The following FRMD3 variants were observed in gnomAD, a reference collection of about 807,000 sequenced individuals.
FRMD3 encodes FERM domain containing 3, also known as FERM domain-containing protein 3.
A neutral mutation model predicts 70.2 loss-of-function variants in FRMD3; 33 were observed. The ratio of observed to expected loss-of-function variants is 0.47; its 90% confidence interval spans 0.36 to 0.63. FRMD3 has a LOEUF of 0.63. Among genes scored for constraint, FRMD3 ranks in the 20% least tolerant of loss-of-function variants. FRMD3 has a pLI of 0.00. For missense variants in FRMD3, 632 were observed against 711.4 expected, an observed-to-expected ratio of 0.89 and a Z score of 1.27; for synonymous variants, 279 against 255.9, an observed-to-expected ratio of 1.09 and a Z score of -0.86.
chr9:83,327,552 AG>A (rs1836069724), intron 6 of FRMD3, among the ~76,000 whole-genome samples: 1 of 152,178 alleles, frequency 6.6e-6, no homozygotes, highest in Non-Finnish European at 1.5e-5. Flanking sequence ...TTCCCCACCC[AG>A]GCTGAAGGTC....
chr9:83,444,137 G>A (rs552828387), intron 1 of FRMD3, among the ~76,000 whole-genome samples: 79 of 152,344 alleles, frequency 5.2e-4, no homozygotes, highest in South Asian at 3.9e-3. Context: ...TGTAGCCACA[G>A]TGGGCCTGTG....
intron 1 of FRMD3, among the ~76,000 whole-genome samples, chr9:83,519,353 A>G (rs1216470018): frequency 6.6e-6 from 1 of 152,232 alleles, no homozygotes; most frequent in African/African-American, 2.4e-5. Context: ...ACACTTCTCA[A>G]AAGAAGACAT....
chr9:83,248,059 C>T lies in FRMD3; in HGVS notation c.1653G>A (p.Glu551=), dbSNP rs372870171. Residue 551 remains glutamate, a synonymous_variant, in exon 14 of 14, where the codon GAG becomes GAA. Transcript: ENST00000304195. ...ATAAGAAGGAGAGATCAATACCTGA[C>T]TCCAAAAGGAGGAGGAGCAGGGGAA... is the stretch of plus-strand genomic sequence containing the variant. ...FVFPLLLLLL[E]SGIDLSFLCE... The T allele has an allele frequency of 1.2e-5, 20 of 1,614,012 alleles. No individual in the cohort carries two copies. Among genetic ancestry groups the T allele is most frequent in the Admixed American group, 1.7e-5 (1 of 59,996 alleles).
chr9:83,259,917 G>A (rs1832906985), intron 13 of FRMD3, among the ~76,000 whole-genome samples: 1 of 152,138 alleles, frequency 6.6e-6, no homozygotes, highest in South Asian at 2.1e-4. Flanking sequence ...GGAAAAAAGA[G>A]CAGATCACCA....
At chr9:83,565,652 CT>C in the FRMD3 span, among the ~76,000 whole-genome samples, 1 of 152,224 alleles carries the variant, frequency 6.6e-6, no homozygotes, top group Non-Finnish European at 1.5e-5. Context: ...CAATGTCTGC[CT>C]GGTGACTGAG....
intron 13 of FRMD3, among the ~76,000 whole-genome samples, chr9:83,259,747 T>C (rs1832899732): frequency 6.6e-6 from 1 of 152,178 alleles, no homozygotes. Flanking sequence ...GTCAGGTCTC[T>C]ATAGATGTCT....
At chr9:83,264,847 C>G (rs1833163557) in intron 13 of FRMD3, among the ~76,000 whole-genome samples, 1 of 150,392 alleles carries the variant, frequency 6.6e-6, no homozygotes, top group African/African-American at 2.4e-5. Flanking sequence ...CCATGTCATG[C>G]ACGTGTAAAA....
intron 6 of FRMD3, among the ~76,000 whole-genome samples, chr9:83,318,943 C>A (rs572407070): frequency 6.6e-6 from 1 of 152,020 alleles, no homozygotes; most frequent in African/African-American, 2.4e-5. Context: ...ACTTGGATGT[C>A]TTCTTTTGAA....
At chr9:83,439,607 T>C (rs1272454991) in intron 1 of FRMD3, among the ~76,000 whole-genome samples, 1 of 152,260 alleles carries the variant, frequency 6.6e-6, no homozygotes, top group Non-Finnish European at 1.5e-5. Flanking sequence ...AACCCCATTT[T>C]AGCAGAAATT....
At chr9:83,484,926 G>A (rs1423648576) in intron 1 of FRMD3, among the ~76,000 whole-genome samples, 1 of 152,158 alleles carries the variant, frequency 6.6e-6, no homozygotes, top group Non-Finnish European at 1.5e-5. Context: ...AGTCAAAAAG[G>A]AAAACATAAT....
chr9:83,372,271 C>T (rs763713776), intron 3 of FRMD3, among the ~76,000 whole-genome samples: 4 of 151,906 alleles, frequency 2.6e-5, no homozygotes, highest in Non-Finnish European at 5.9e-5. Context: ...TGAACACCCT[C>T]CTCACAGGGT....
At chr9:83,478,162 CT>C (rs1444775180) in intron 1 of FRMD3, among the ~76,000 whole-genome samples, 1 of 152,202 alleles carries the variant, frequency 6.6e-6, no homozygotes, top group Non-Finnish European at 1.5e-5. Flanking sequence ...TCTCACACAT[CT>C]TAACAAAAGT....
chr9:83,249,284 AG>A (rs1440738456), intron 13 of FRMD3, among the ~76,000 whole-genome samples: 1 of 152,322 alleles, frequency 6.6e-6, no homozygotes, highest in East Asian at 1.9e-4. Flanking sequence ...GCTTAATCAA[AG>A]GGTAAGAACT....
intron 1 of FRMD3, among the ~76,000 whole-genome samples, chr9:83,398,562 C>T (rs1220389009): frequency 1.3e-5 from 2 of 152,238 alleles, no homozygotes; most frequent in African/African-American, 2.4e-5. Flanking sequence ...TGCTAAATGA[C>T]GAGTTAATGG....
At chr9:83,383,022 C>G (rs922926338) in intron 2 of FRMD3, among the ~76,000 whole-genome samples, 1 of 152,160 alleles carries the variant, frequency 6.6e-6, no homozygotes, top group African/African-American at 2.4e-5. Flanking sequence ...ACTTGGAGCT[C>G]TAAGCAGCCG....
At chr9:83,421,912 T>TAC (rs1826655282) in intron 1 of FRMD3, among the ~76,000 whole-genome samples, 1 of 152,086 alleles carries the variant, frequency 6.6e-6, no homozygotes, top group African/African-American at 2.4e-5. Context: ...ACACTGAACA[T>TAC]ACACACAAAA....
At chr9:83,579,750 G>A in the FRMD3 span, among the ~76,000 whole-genome samples, 1 of 151,982 alleles carries the variant, frequency 6.6e-6, no homozygotes, top group Non-Finnish European at 1.5e-5. Flanking sequence ...ATATGGCCCT[G>A]AAAGCTCAGG....
intron 3 of FRMD3, among the ~76,000 whole-genome samples, chr9:83,354,735 A>G (rs137984630): frequency 1.3e-5 from 2 of 152,334 alleles, no homozygotes; most frequent in African/African-American, 4.8e-5. Flanking sequence ...AAATATGTGA[A>G]ATACCAGGAC....
chr9:83,417,860 T>C lies in FRMD3; in HGVS notation c.148-28152A>G, dbSNP rs542102502. ...GTGAAGGAAGTTCCAAGAAGGGTCA[T>C]AGTGTTCACATTACAAAGAGGTAAA... On this transcript the variant is annotated intron_variant, in intron 1 of 13. Transcript: ENST00000304195. 2.6e-5 allele frequency among the ~76,000 whole-genome samples: 4 copies of C among 152,250 alleles called. No individual in the cohort carries two copies. The East Asian group carries it at 7.7e-4, about 29-fold the overall frequency.
Sources: gnomAD v4.1 joint callset for allele counts (sites outside exome capture counted in the v4.1 genomes callset) on GRCh38, gnomAD v4.1.1 for gene constraint, MANE v1.5 for transcripts, NCBI Gene and HGNC (gene_info 2026-07-23, HGNC 2026-07-21) for gene names.